NNMT: variants seen among roughly 807,000 people sequenced by gnomAD.
NNMT encodes the protein nicotinamide N-methyltransferase.
A neutral mutation model predicts 11.7 loss-of-function variants in NNMT; 10 were observed. That is an observed-to-expected ratio of 0.85 (90% CI 0.53 to 1.45). The LOEUF (loss-of-function observed/expected upper bound fraction) is 1.45, where lower values mean the gene tolerates loss of function less well. NNMT is among the 40% of genes most tolerant of loss of function. The probability of loss-of-function intolerance (pLI) is 0.00; values close to 1 mark genes in which losing one functional copy is unlikely to be tolerated. For synonymous variants in NNMT, 143 were observed against 133.8 expected, an observed-to-expected ratio of 1.07 and a Z score of -0.48; for missense variants, 381 against 319.4, an observed-to-expected ratio of 1.19 and a Z score of -1.47.
chr11:114,262,367 C>T (rs1387785511), intron 1 of NNMT, among the ~76,000 whole-genome samples: 1 of 152,126 alleles, frequency 6.6e-6, no homozygotes, highest in Non-Finnish European at 1.5e-5. Context: ...ACCCCCAACC[C>T]AACACAGGCC....
rs1238195843 is a variant in NNMT, at chr11:114,296,537, T to C, written c.-20T>C. On this transcript the variant is annotated 5_prime_UTR_variant, in exon 1 of 3. Transcript: ENST00000299964. ...AAAGAGAAGGAGGGCAGTGCTCCAG[T>C]GGTACAGAAGTGAGACATAATGGAA... 1 of 1,611,268 alleles carries C rather than the reference T, an allele frequency of 6.2e-7. No individual in the cohort carries two copies. Among genetic ancestry groups the C allele is most frequent in the Non-Finnish European group, 8.5e-7 (1 of 1,178,688 alleles).
chr11:114,265,835 GTTATTA>G (rs146596335), intron 2 of NNMT, among the ~76,000 whole-genome samples: 2 of 151,756 alleles, frequency 1.3e-5, no homozygotes, highest in Non-Finnish European at 2.9e-5. Context: ...TGTCCAATCT[GTTATTA>G]TTATTATTAT....
At chr11:114,279,174 G>A (rs952200913) in intron 2 of NNMT, among the ~76,000 whole-genome samples, 3 of 152,192 alleles carry the variant, frequency 2.0e-5, no homozygotes, top group South Asian at 4.1e-4. Flanking sequence ...TTGGCCTCAC[G>A]GGAGAGAGGG....
At chr11:114,280,836 G>C (rs1030804513) in intron 2 of NNMT, among the ~76,000 whole-genome samples, 3 of 152,166 alleles carry the variant, frequency 2.0e-5, no homozygotes, top group Non-Finnish European at 1.5e-5. Context: ...GGGTGGGAGG[G>C]CTCTTCCCTC....
At chr11:114,258,915 A>G (rs928846693) in intron 1 of NNMT, among the ~76,000 whole-genome samples, 1 of 152,100 alleles carries the variant, frequency 6.6e-6, no homozygotes, top group Non-Finnish European at 1.5e-5. Context: ...CTACGCAAAC[A>G]CACACACCCC....
At chr11:114,274,055 T>C (rs1945194173) in intron 2 of NNMT, among the ~76,000 whole-genome samples, 1 of 151,984 alleles carries the variant, frequency 6.6e-6, no homozygotes, top group Non-Finnish European at 1.5e-5. Context: ...CTCCTAACAC[T>C]CCCCTCCTAC....
intron 2 of NNMT, among the ~76,000 whole-genome samples, chr11:114,270,682 G>T (rs1193187821): frequency 6.6e-6 from 1 of 152,046 alleles, no homozygotes; most frequent in Non-Finnish European, 1.5e-5. Context: ...GTCCTCCTAT[G>T]GCCTTTTCTC....
chr11:114,289,077 C>T (rs1945317834), intron 2 of NNMT, among the ~76,000 whole-genome samples: 1 of 152,074 alleles, frequency 6.6e-6, no homozygotes, highest in African/African-American at 2.4e-5. Flanking sequence ...ACTAATTTTC[C>T]ATTTAAATTC....
chr11:114,261,065 A>G (rs775384145), intron 1 of NNMT, among the ~76,000 whole-genome samples: 5 of 152,178 alleles, frequency 3.3e-5, no homozygotes, highest in Non-Finnish European at 7.3e-5. Flanking sequence ...TGAGTTATCA[A>G]TGGGGACAGG....
rs1376661655 is a variant in NNMT, at chr11:114,312,376, A to G, written c.694A>G (p.Ile232Val). 1.2e-6 allele frequency: 2 copies of G among 1,614,178 alleles called. No individual in the cohort carries two copies. The highest frequency in any genetic ancestry group is 2.2e-5 in the South Asian group (2 of 91,084). Residue 232 changes from isoleucine to valine, a missense_variant, in exon 3 of 3, where the codon ATC (isoleucine) becomes GTC (valine). By Grantham distance (29) the Ile-to-Val change is conservative. Transcript: ENST00000299964. The part of the protein sequence containing the change: ...EAAVKEAGYT[I>V]EWFEVISQSY... The stretch of plus-strand genomic sequence containing the variant: ...TGCTGTGAAAGAGGCTGGCTACACA[A>G]TCGAATGGTTTGAGGTGATCTCGCA...
At chr11:114,277,171 C>T (rs1008936411) in intron 2 of NNMT, among the ~76,000 whole-genome samples, 2 of 138,976 alleles carry the variant, frequency 1.4e-5, no homozygotes, top group Admixed American at 7.2e-5. Context: ...TGCAGTGAGC[C>T]GAGATCTTGC....
chr11:114,281,141 T>C (rs1051578571), intron 2 of NNMT, among the ~76,000 whole-genome samples: 1 of 152,120 alleles, frequency 6.6e-6, no homozygotes, highest in Non-Finnish European at 1.5e-5. Context: ...TGGAGGAGAA[T>C]TCTTCCAGCC....
chr11:114,282,027 C>A (rs1945266502), intron 2 of NNMT, among the ~76,000 whole-genome samples: 1 of 151,138 alleles, frequency 6.6e-6, no homozygotes, highest in Non-Finnish European at 1.5e-5. Context: ...AGATCATAAA[C>A]CCCAGCCTGG....
At chr11:114,275,967 G>A (rs1214618069) in intron 2 of NNMT, among the ~76,000 whole-genome samples, 1 of 152,148 alleles carries the variant, frequency 6.6e-6, no homozygotes, top group Non-Finnish European at 1.5e-5. Flanking sequence ...TCTTTCCAGA[G>A]AGAAGTGGGC....
Position 114,259,386 on chromosome 11 carries a change from A to T in NNMT, c.-217+1508A>T, listed in dbSNP as rs558370870. 4.7e-5 allele frequency among the ~76,000 whole-genome samples: 7 copies of T among 149,266 alleles called. No individual in the cohort carries two copies. In the South Asian group the frequency reaches 1.1e-3, roughly 23 times the overall value. ...CTCCTGCATCCCCACACCTGTGCTC[A>T]TGTCGATTCATAGACCACCTGACCC... On this transcript the variant is annotated intron_variant, in intron 1 of 4. Transcript: ENST00000535401.
chr11:114,294,395 T>G (rs1381308510), upstream of NNMT, among the ~76,000 whole-genome samples: 1 of 147,878 alleles, frequency 6.8e-6, no homozygotes, highest in Non-Finnish European at 1.5e-5. Flanking sequence ...GGAGAATCGC[T>G]GGAACCCAAG....
chr11:114,293,457 A>C (rs540935700), upstream of NNMT, among the ~76,000 whole-genome samples: 1 of 151,992 alleles, frequency 6.6e-6, no homozygotes, highest in Non-Finnish European at 1.5e-5. Context: ...ACTCCAACCA[A>C]CAGTGTACAA....
At chr11:114,267,633 T>C (rs999973583) in intron 2 of NNMT, among the ~76,000 whole-genome samples, 8 of 152,214 alleles carry the variant, frequency 5.3e-5, no homozygotes, top group Non-Finnish European at 1.0e-4. Context: ...TTCAACATCA[T>C]CCAGATTCTG....
intron 2 of NNMT, among the ~76,000 whole-genome samples, chr11:114,285,520 T>G: frequency 6.6e-6 from 1 of 152,210 alleles, no homozygotes; most frequent in East Asian, 1.9e-4. Flanking sequence ...ATGCATCCAC[T>G]AAAATCTAGA....
Sources: gnomAD v4.1 joint callset for allele counts (sites outside exome capture counted in the v4.1 genomes callset) on GRCh38, gnomAD v4.1.1 for gene constraint, MANE v1.5 for transcripts, NCBI Gene and HGNC (gene_info 2026-07-23, HGNC 2026-07-21) for gene names.